The following ATXN7 variants were observed in gnomAD, a reference collection of about 807,000 sequenced individuals.
ATXN7 encodes the protein ataxin-7.
A neutral mutation model predicts 70.5 loss-of-function variants in ATXN7; 12 were observed. That is an observed-to-expected ratio of 0.17 (90% CI 0.11 to 0.28). The LOEUF (loss-of-function observed/expected upper bound fraction) is 0.28. Among genes scored for constraint, ATXN7 ranks in the 10% least tolerant of loss-of-function variants. The probability of loss-of-function intolerance (pLI) is 1.00; values close to 1 mark genes in which losing one functional copy is unlikely to be tolerated. For synonymous variants in ATXN7, 498 were observed against 448.7 expected, an observed-to-expected ratio of 1.11 and a Z score of -1.39; for missense variants, 1,256 against 1,131.7, an observed-to-expected ratio of 1.11 and a Z score of -1.58.
At position 63,996,388 on chromosome 3, in the gene ATXN7, G is replaced by T; in HGVS notation, c.2566G>T (p.Val856Phe). 1.9e-6 allele frequency: 3 copies of T among 1,614,108 alleles called. No individual in the cohort carries two copies. The highest frequency in any genetic ancestry group is 2.5e-6 in the Non-Finnish European group (3 of 1,180,032). The change falls in exon 12 of 13, where the codon GTT (valine) becomes TTT (phenylalanine). Residue 856 changes from valine (V) to phenylalanine (F), a missense_variant. Physicochemically the swap from Val to Phe is conservative, Grantham distance 50. Coordinates refer to ENST00000674280, the MANE Select transcript of ATXN7 (RefSeq NM_001377405.1). ...INNSSSKPTK[V>F]AKVPAVNNVH... is the part of the protein sequence containing the mutation. ...CAACAGCAGCAGCAAACCCACAAAG[G>T]TTGCCAAAGTGCCAGCCGTGAACAA... is the stretch of plus-strand genomic sequence containing the variant.
chr3:63,900,363 CAACTTCACAAA>C (rs1444729098), intron 2 of ATXN7, among the ~76,000 whole-genome samples: 1 of 152,166 alleles, frequency 6.6e-6, no homozygotes, highest in Non-Finnish European at 1.5e-5. Flanking sequence ...CAATCTGAAA[CAACTTCACAAA>C]AAGTGTTTTA....
chr3:63,882,306 T>C (rs1311452657), intron 1 of ATXN7, among the ~76,000 whole-genome samples: 1 of 152,110 alleles, frequency 6.6e-6, no homozygotes, highest in Non-Finnish European at 1.5e-5. Flanking sequence ...ATTTACACAG[T>C]GCATGGTATA....
intron 12 of ATXN7, among the ~76,000 whole-genome samples, chr3:63,997,189 C>T (rs980172122): frequency 6.6e-6 from 1 of 152,020 alleles, no homozygotes; most frequent in African/African-American, 2.4e-5. Context: ...ACACGGGAGG[C>T]GGAAGTTGCA....
At chr3:63,907,793 C>T (rs1703892422) in intron 2 of ATXN7, among the ~76,000 whole-genome samples, 1 of 152,032 alleles carries the variant, frequency 6.6e-6, no homozygotes, top group Non-Finnish European at 1.5e-5. Context: ...GTAAAAAATT[C>T]CTCAGCCGAA....
At chr3:63,954,976 A>G (rs998520253) in intron 5 of ATXN7, among the ~76,000 whole-genome samples, 3 of 152,164 alleles carry the variant, frequency 2.0e-5, no homozygotes, top group Non-Finnish European at 2.9e-5. Context: ...CCCAAAGTAC[A>G]GGGAATATAG....
intron 4 of ATXN7, among the ~76,000 whole-genome samples, chr3:63,922,034 TTTCTTTTTTA>T (rs1161894021): frequency 3.5e-4 from 53 of 152,244 alleles, no homozygotes; most frequent in Non-Finnish European, 7.1e-4. Flanking sequence ...TTTCTTTTTT[TTTCTTTTTTA>T]TTCTTTTGAA....
chr3:63,985,561 A>C (rs1448170312), intron 8 of ATXN7, among the ~76,000 whole-genome samples: 3 of 152,118 alleles, frequency 2.0e-5, no homozygotes, highest in Admixed American at 2.0e-4. Flanking sequence ...CCCTACCCTG[A>C]GTGTTTCCCA....
At position 63,913,162 on chromosome 3, in the gene ATXN7, G is replaced by C; in HGVS notation, c.331G>C (p.Glu111Gln). The C allele has an allele frequency of 6.2e-7, 1 of 1,613,820 alleles. No individual in the cohort carries two copies. The highest frequency in any genetic ancestry group is 1.1e-5 in the South Asian group (1 of 91,084). The change falls in exon 4 of 13, where the codon GAA becomes CAA. Residue 111 changes from glutamate (E) to glutamine (Q), a missense_variant. Glu to Gln is a conservative substitution (Grantham distance 29). Coordinates refer to ENST00000674280, the MANE Select transcript of ATXN7 (RefSeq NM_001377405.1). ...TGTGTGTGTATATCTCCTAGGGACA[G>C]AATTGGACGAAAGTTTCAAGGAGTT... ...ASKLPGKDGT[E>Q]LDESFKEFGK...
At chr3:63,962,049 AC>A (rs1300327321) in intron 5 of ATXN7, among the ~76,000 whole-genome samples, 3 of 152,104 alleles carry the variant, frequency 2.0e-5, no homozygotes, top group Non-Finnish European at 4.4e-5. Context: ...GGTACCTACT[AC>A]CTGACTGGAA....
At chr3:63,955,329 A>G (rs1342519720) in intron 5 of ATXN7, among the ~76,000 whole-genome samples, 1 of 152,096 alleles carries the variant, frequency 6.6e-6, no homozygotes, top group Non-Finnish European at 1.5e-5. Flanking sequence ...TCTGCTGGGA[A>G]ATGTGTAAGG....
chr3:63,912,762 C>T lies in ATXN7; in HGVS notation c.164C>T (p.Pro55Leu). 1.5e-6 allele frequency: 2 copies of T among 1,349,374 alleles called. No individual in the cohort carries two copies. The highest frequency in any genetic ancestry group is 2.3e-4 in the Middle Eastern group (1 of 4,440). The allele number at this position is 1,349,374 out of a possible 1,614,324, so 83.6% of individuals were successfully genotyped here. Residue 55 changes from proline to leucine, a missense_variant, in exon 3 of 13, where the codon CCA becomes CTA. Coordinates refer to ENST00000674280, the MANE Select transcript of ATXN7 (RefSeq NM_001377405.1). ...PQRQQHPPPP[P>L]RRTRPEDGGP... ...CGGCAGCAGCACCCGCCACCGCCGC[C>T]ACGGCGCACACGGCCGGAGGACGGC...
intron 1 of ATXN7, among the ~76,000 whole-genome samples, chr3:63,893,720 T>A (rs1181256710): frequency 6.6e-6 from 1 of 152,156 alleles, no homozygotes; most frequent in Non-Finnish European, 1.5e-5. Flanking sequence ...CCTCTCCACT[T>A]GTGTGTTTTC....
rs867261765 is a variant in ATXN7 at position 63,980,027 on chromosome 3, C to T, written c.612C>T (p.Asn204=). Residue 204 remains asparagine, a synonymous_variant, in exon 6 of 13, where the codon AAC becomes AAT. Transcript: ENST00000674280. ...AAGGAGGCAGTGCAAGTGGAAGCAACCGTTCTTCCAGTGGAGGTGTTCTTA... is the reference window on the plus strand; with the variant it reads ...AAGGAGGCAGTGCAAGTGGAAGCAATCGTTCTTCCAGTGGAGGTGTTCTTA... ...KSKGGSASGS[N]RSSSGGVLSA... is the part of the protein sequence containing the mutation. The T allele has an allele frequency of 1.2e-6, 2 of 1,614,194 alleles. No individual in the cohort carries two copies. Among genetic ancestry groups the T allele is most frequent in the South Asian group, 1.1e-5 (1 of 91,086 alleles).
Position 63,882,075 on chromosome 3 carries a change from A to G in ATXN7, c.-110-16324A>G, listed in dbSNP as rs534555967. ...TTCATTCTGCTGCACCCAGTGTGAC[A>G]GTGTTTGAAAAGGAACCAGCATTGT... On this transcript the variant is annotated intron_variant, in intron 1 of 12. Coordinates refer to ENST00000674280, the MANE Select transcript of ATXN7 (RefSeq NM_001377405.1). Among the ~76,000 whole-genome samples, 28 of 152,326 alleles carry G rather than the reference A, an allele frequency of 1.8e-4. No individual in the cohort carries two copies. The South Asian group carries it at 3.3e-3, about 18-fold the overall frequency.
At position 63,967,875 on chromosome 3, in the gene ATXN7, T is replaced by G. The variant is rs549237154; in HGVS notation, c.500-12040T>G. The G allele has an allele frequency of 7.8e-6, 12 of 1,535,382 alleles. No homozygotes were observed. In the African/African-American group the frequency reaches 1.6e-4, roughly 21 times the overall value. ...CCCAAATCATGATGCAAGCCTGCAG[T>G]AGCAAGTGTGCAATGAAGCACAACC... On this transcript the variant is annotated intron_variant, in intron 5 of 12. Transcript: ENST00000674280.
At chr3:63,929,153 C>T (rs762249721) in intron 4 of ATXN7, among the ~76,000 whole-genome samples, 4 of 152,012 alleles carry the variant, frequency 2.6e-5, no homozygotes, top group Admixed American at 1.3e-4. Flanking sequence ...TTATTACCCA[C>T]TTAGGACAAT....
intron 4 of ATXN7, among the ~76,000 whole-genome samples, chr3:63,925,823 G>A (rs1401041879): frequency 6.6e-6 from 1 of 152,208 alleles, no homozygotes; most frequent in Non-Finnish European, 1.5e-5. Context: ...GAGTTAGCCA[G>A]TCTGGTGTGG....
chr3:63,942,534 A>G (rs1226655044), intron 4 of ATXN7, among the ~76,000 whole-genome samples: 1 of 152,166 alleles, frequency 6.6e-6, no homozygotes, highest in Non-Finnish European at 1.5e-5. Context: ...AATACCTTGA[A>G]TAGTGCCTAG....
rs184664879 is a variant in ATXN7, at chr3:63,926,305, T to G, written c.394+13080T>G. Among the ~76,000 whole-genome samples, 8 of 152,200 alleles carry G rather than the reference T, an allele frequency of 5.3e-5. No individual in the cohort carries two copies. In the East Asian group the frequency reaches 1.5e-3, roughly 29 times the overall value. The stretch of plus-strand genomic sequence containing the variant: ...TTAAAGAAAAGTATATGGCAGGTGG[T>G]AAGGGGTGTTTTGGAAAAAGATGAA... On this transcript the variant is annotated intron_variant, in intron 4 of 12. Coordinates refer to ENST00000674280, the MANE Select transcript of ATXN7 (RefSeq NM_001377405.1).
Sources: gnomAD v4.1 joint callset for allele counts (sites outside exome capture counted in the v4.1 genomes callset) on GRCh38, gnomAD v4.1.1 for gene constraint, MANE v1.5 for transcripts, NCBI Gene and HGNC (gene_info 2026-07-23, HGNC 2026-07-21) for gene names.